Variants in GNAQ observed in about 807,000 individuals in gnomAD.
GNAQ encodes the protein guanine nucleotide-binding protein G(q) subunit alpha.
A neutral mutation model predicts 43.9 loss-of-function variants in GNAQ; 8 were observed. The ratio of observed to expected loss-of-function variants is 0.18; its 90% CI spans 0.11 to 0.33. GNAQ has a LOEUF of 0.33. Among genes scored for constraint, GNAQ ranks in the 10% least tolerant of loss-of-function variants. GNAQ has a pLI of 1.00. For synonymous variants in GNAQ, 155 were observed against 170.7 expected (o/e 0.91, Z 0.71); for missense variants, 158 against 450.8 (o/e 0.35, Z 5.88).
intron 3 of GNAQ, among the ~76,000 whole-genome samples, chr9:77,814,755 T>C (rs1826985437): frequency 6.6e-6 from 1 of 152,182 alleles, no homozygotes. Flanking sequence ...ATAAGGTTAC[T>C]GATTATTTTC....
chr9:77,768,113 G>A (rs1333049843), intron 5 of GNAQ, among the ~76,000 whole-genome samples: 1 of 152,140 alleles, frequency 6.6e-6, no homozygotes, highest in Non-Finnish European at 1.5e-5. Context: ...AAACTAAGGC[G>A]CTGAGAGCCT....
At chr9:77,947,897 T>G (rs1417641652) in intron 1 of GNAQ, among the ~76,000 whole-genome samples, 2 of 152,160 alleles carry the variant, frequency 1.3e-5, no homozygotes, top group African/African-American at 4.8e-5. Flanking sequence ...ACTTAACAGC[T>G]GTGGGACCTA....
chr9:78,007,835 C>T (rs1173003026), intron 1 of GNAQ, among the ~76,000 whole-genome samples: 2 of 152,160 alleles, frequency 1.3e-5, no homozygotes, highest in Non-Finnish European at 2.9e-5. Context: ...GCTTCCAAGA[C>T]TGAACTCTCC....
chr9:77,756,920 G>A (rs1825912806), intron 5 of GNAQ, among the ~76,000 whole-genome samples: 1 of 152,102 alleles, frequency 6.6e-6, no homozygotes, highest in Admixed American at 6.5e-5. Context: ...ACCCTAATAA[G>A]CACTCTGTTT....
At chr9:78,029,231 G>A (rs570646384) in intron 1 of GNAQ, among the ~76,000 whole-genome samples, 2 of 151,852 alleles carry the variant, frequency 1.3e-5, no homozygotes, top group African/African-American at 4.8e-5. Flanking sequence ...GTTGGCTGGA[G>A]AGACCTCAAC....
chr9:77,998,528 A>G (rs1011357370), intron 1 of GNAQ, among the ~76,000 whole-genome samples: 2 of 152,224 alleles, frequency 1.3e-5, no homozygotes, highest in African/African-American at 2.4e-5. Context: ...CACTGCAAAC[A>G]GCTGAATCTG....
chr9:77,836,369 C>T (rs1380538632), intron 2 of GNAQ, among the ~76,000 whole-genome samples: 1 of 152,170 alleles, frequency 6.6e-6, no homozygotes, highest in East Asian at 1.9e-4. Flanking sequence ...TAGCAGTGAA[C>T]TTTCCCATCT....
intron 2 of GNAQ, among the ~76,000 whole-genome samples, chr9:77,884,704 G>A (rs184360970): frequency 6.6e-6 from 1 of 152,050 alleles, no homozygotes; most frequent in African/African-American, 2.4e-5. Context: ...CTGTTCACTC[G>A]GGAAGCATAG....
At position 77,933,409 on chromosome 9, in the gene GNAQ, T is replaced by A. The variant is rs577771559; in HGVS notation, c.137-11064A>T. Among the ~76,000 whole-genome samples, 10 of 152,276 alleles carry A rather than the reference T, an allele frequency of 6.6e-5. No homozygotes were observed. In the East Asian group the frequency reaches 1.9e-3, roughly 29 times the overall value. On this transcript the variant is annotated intron_variant, in intron 1 of 6. Transcript: ENST00000286548. ...GGCCAGGAGCGGCGGCTCATGCCTA[T>A]AATCCCAGCACTTTGGGAGGTCAAG... is the stretch of plus-strand genomic sequence containing the variant.
intron 2 of GNAQ, among the ~76,000 whole-genome samples, chr9:77,848,213 A>G (rs145966401): frequency 3.9e-5 from 6 of 152,280 alleles, no homozygotes; most frequent in African/African-American, 1.4e-4. Context: ...TCTTCTACAG[A>G]GCTTTCACAT....
rs533634291 is a variant in GNAQ at position 77,763,125 on chromosome 9, T to TAAAC, written c.735+31334_735+31337dup. Among the ~76,000 whole-genome samples, 835 of 133,922 alleles carry TAAAC rather than the reference T, an allele frequency of 6.2e-3. 9 individuals are homozygous for TAAAC. Among genetic ancestry groups the TAAAC allele is most frequent in the African/African-American group, 0.021 (705 of 33,938 alleles). The allele number at this position is 133,922 out of a possible 152,430, so 87.9% of individuals were successfully genotyped here. A position where few individuals can be genotyped will look rare whatever the true frequency, so the allele number is the denominator to read the frequency against. On this transcript the variant is annotated intron_variant, in intron 5 of 6. Coordinates refer to ENST00000286548, the MANE Select transcript of GNAQ (RefSeq NM_002072.5). ...ATAAAATTAAAAAAAAACAAAAAAA[T>TAAAC]AAACAAACAAACAAACAAAAAAAAA...
intron 1 of GNAQ, among the ~76,000 whole-genome samples, chr9:78,001,219 G>A (rs184702602): frequency 2.0e-5 from 3 of 152,090 alleles, no homozygotes; most frequent in Admixed American, 2.0e-4. Context: ...CCAACATGAT[G>A]AAACCCCATC....
intron 3 of GNAQ, among the ~76,000 whole-genome samples, chr9:77,803,687 G>A (rs1826782633): frequency 6.6e-6 from 1 of 152,136 alleles, no homozygotes; most frequent in African/African-American, 2.4e-5. Flanking sequence ...GGGGAAATAA[G>A]GGTTACATAA....
At chr9:77,759,805 T>C (rs1038986678) in intron 5 of GNAQ, among the ~76,000 whole-genome samples, 20 of 152,244 alleles carry the variant, frequency 1.3e-4, no homozygotes, top group Non-Finnish European at 2.5e-4. Context: ...CTCAGTTTTC[T>C]GAGCCTTTTA....
chr9:77,935,635 AG>A (rs1829220634), intron 1 of GNAQ, among the ~76,000 whole-genome samples: 1 of 152,224 alleles, frequency 6.6e-6, no homozygotes, highest in East Asian at 1.9e-4. Context: ...GCTGTCCAAA[AG>A]ACAGGCGCAA....
At chr9:77,989,218 C>A (rs1000199446) in intron 1 of GNAQ, among the ~76,000 whole-genome samples, 1 of 152,088 alleles carries the variant, frequency 6.6e-6, no homozygotes, top group Non-Finnish European at 1.5e-5. Context: ...CATTCTCATC[C>A]GTCATTTTCT....
chr9:77,889,397 C>A (rs1372732582), intron 2 of GNAQ, among the ~76,000 whole-genome samples: 4 of 102,068 alleles, frequency 3.9e-5, no homozygotes, highest in Admixed American at 1.5e-4. Context: ...GGCGACAAAG[C>A]CAGACCCTGT....
intron 1 of GNAQ, among the ~76,000 whole-genome samples, chr9:77,948,421 A>G (rs1822931543): frequency 6.6e-6 from 1 of 152,184 alleles, no homozygotes; most frequent in African/African-American, 2.4e-5. Flanking sequence ...CTTTTCCAGC[A>G]AAGAAAGGGA....
At chr9:77,885,223 A>C (rs1258205768) in intron 2 of GNAQ, among the ~76,000 whole-genome samples, 1 of 152,184 alleles carries the variant, frequency 6.6e-6, no homozygotes, top group Non-Finnish European at 1.5e-5. Context: ...CTCATCATGC[A>C]GGAGTACCCT....
Sources: gnomAD v4.1 joint callset for allele counts (sites outside exome capture counted in the v4.1 genomes callset) on GRCh38, gnomAD v4.1.1 for gene constraint, MANE v1.5 for transcripts, NCBI Gene and HGNC (gene_info 2026-07-23, HGNC 2026-07-21) for gene names.